Variants in SPATA16 observed in about 807,000 individuals in gnomAD.
SPATA16 encodes spermatogenesis associated 16.
Under a neutral mutation model 63.3 loss-of-function variants are expected in SPATA16, and 36 were observed. That is an observed-to-expected ratio of 0.57 (90% CI 0.44 to 0.75). SPATA16 has a LOEUF of 0.75. Among genes scored for constraint, SPATA16 ranks in the 30% least tolerant of loss-of-function variants. The pLI is 0.00. For synonymous variants in SPATA16, 203 were observed against 216.7 expected (o/e 0.94, Z 0.56); for missense variants, 646 against 679.3 (o/e 0.95, Z 0.54).
chr3:173,005,281 G>A lies in SPATA16; in HGVS notation c.848+14205C>T, dbSNP rs562676710. On this transcript the variant is annotated intron_variant, in intron 4 of 10. Transcript: ENST00000351008. ...GAAGGTTGCAGTGAGCTGAGATTGC[G>A]CTACTGCACTCCAGCCTGGTGACAG... Among the ~76,000 whole-genome samples the A allele has an allele frequency of 8.3e-4, 121 of 145,222 alleles. 1 individual carries two copies. Among genetic ancestry groups the A allele is most frequent in the African/African-American group, 3.0e-3 (117 of 39,138 alleles).
intron 6 of SPATA16, among the ~76,000 whole-genome samples, chr3:172,930,418 T>C (rs759425629): frequency 7.2e-5 from 11 of 152,144 alleles, no homozygotes; most frequent in Non-Finnish European, 1.5e-4. Context: ...GATTTTCCAC[T>C]CAGAAACAAC....
At chr3:173,063,709 C>A (rs1214785141) in intron 2 of SPATA16, among the ~76,000 whole-genome samples, 2 of 152,034 alleles carry the variant, frequency 1.3e-5, no homozygotes, top group Non-Finnish European at 2.9e-5. Context: ...ATTTATATTT[C>A]CATTAATTAA....
chr3:173,129,499 A>G (rs1738313213), intron 1 of SPATA16, among the ~76,000 whole-genome samples: 1 of 152,106 alleles, frequency 6.6e-6, no homozygotes, highest in Non-Finnish European at 1.5e-5. Flanking sequence ...TCTGAAGAGG[A>G]CAGCTATTAT....
At chr3:173,031,159 C>T (rs1735595479) in intron 3 of SPATA16, among the ~76,000 whole-genome samples, 1 of 151,758 alleles carries the variant, frequency 6.6e-6, no homozygotes. Flanking sequence ...ATTGCCTGCA[C>T]AACGTGAAAG....
intron 2 of SPATA16, among the ~76,000 whole-genome samples, chr3:173,071,114 A>T (rs2108307232): frequency 6.6e-6 from 1 of 152,342 alleles, no homozygotes; most frequent in East Asian, 1.9e-4. Flanking sequence ...AAAAGCAGAC[A>T]TATAGACCAA....
intron 6 of SPATA16, 73 bp downstream of exon 6, chr3:172,956,604 A>G: frequency 6.6e-7 from 1 of 1,524,604 alleles, no homozygotes; most frequent in African/African-American, 1.4e-5. Context: ...AAACTAATAA[A>G]CCAGAAAGAA....
At chr3:172,933,689 C>G (rs1324881388) in intron 6 of SPATA16, among the ~76,000 whole-genome samples, 2 of 152,204 alleles carry the variant, frequency 1.3e-5, no homozygotes, top group South Asian at 4.1e-4. Flanking sequence ...GCAGTCCCAC[C>G]TGTGGATCTT....
intron 5 of SPATA16, among the ~76,000 whole-genome samples, chr3:172,962,435 G>T (rs1041061755): frequency 1.3e-5 from 2 of 151,894 alleles, no homozygotes; most frequent in Middle Eastern, 3.2e-3. Flanking sequence ...GAAATTTGGG[G>T]TTGTTTGTTA....
Position 172,915,369 on chromosome 3 carries a change from T to C in SPATA16, c.1503+948A>G, listed in dbSNP as rs186967338. ...GAACATTATAAATGTTGGCAGCTCA[T>C]TTCTTGAGTAAATCTTAAAAAGCTC... On this transcript the variant is annotated intron_variant, in intron 9 of 10. Transcript: ENST00000351008. 1.3e-4 allele frequency among the ~76,000 whole-genome samples: 20 copies of C among 152,304 alleles called. No individual in the cohort carries two copies. The East Asian group carries it at 3.7e-3, about 28-fold the overall frequency.
intron 1 of SPATA16, 73 bp from the exon 2 acceptor site, chr3:173,117,822 T>A: frequency 6.2e-7 from 1 of 1,604,704 alleles, no homozygotes; most frequent in Non-Finnish European, 8.5e-7. Flanking sequence ...ATAGTCAAAT[T>A]CATTTTAAAC....
intron 1 of SPATA16, among the ~76,000 whole-genome samples, chr3:173,125,689 A>G (rs1738207982): frequency 6.6e-6 from 1 of 152,182 alleles, no homozygotes; most frequent in Non-Finnish European, 1.5e-5. Context: ...AATCAGCCCT[A>G]CCAAGTTGTG....
intron 2 of SPATA16, among the ~76,000 whole-genome samples, chr3:173,110,081 T>G (rs1737712374): frequency 6.6e-6 from 1 of 152,218 alleles, no homozygotes; most frequent in South Asian, 2.1e-4. Context: ...TCCTGTATGT[T>G]TGCTAGCATT....
chr3:173,014,190 C>G (rs1356895380), intron 4 of SPATA16, among the ~76,000 whole-genome samples: 3 of 152,102 alleles, frequency 2.0e-5, no homozygotes, highest in Non-Finnish European at 4.4e-5. Context: ...CCTTGGTGTC[C>G]AACACCAGTG....
chr3:173,054,951 T>TA (rs1016778734), intron 2 of SPATA16, among the ~76,000 whole-genome samples: 2 of 151,966 alleles, frequency 1.3e-5, no homozygotes, highest in East Asian at 1.9e-4. Flanking sequence ...AACTCAATGG[T>TA]AAAAAACCCC....
chr3:173,098,571 A>G (rs1737415311), intron 2 of SPATA16, among the ~76,000 whole-genome samples: 1 of 152,214 alleles, frequency 6.6e-6, no homozygotes, highest in South Asian at 2.1e-4. Flanking sequence ...ATGCAGCAAG[A>G]CAAGGTGATA....
intron 4 of SPATA16, among the ~76,000 whole-genome samples, chr3:172,984,627 C>T (rs1316328845): frequency 1.3e-5 from 2 of 152,124 alleles, no homozygotes; most frequent in African/African-American, 4.8e-5. Flanking sequence ...GAGTCTCTAC[C>T]TATTGCAGCC....
chr3:172,942,709 C>T (rs896567035), intron 6 of SPATA16, among the ~76,000 whole-genome samples: 1 of 152,022 alleles, frequency 6.6e-6, no homozygotes, highest in African/African-American at 2.4e-5. Context: ...CATTAAAAAA[C>T]CCTGCATTCC....
chr3:173,083,625 C>G (rs78193720), intron 2 of SPATA16, among the ~76,000 whole-genome samples: 17,810 of 152,030 alleles, frequency 0.12, 1,187 homozygotes, highest in East Asian at 0.25. Context: ...GCTATTTTTC[C>G]TGATACTCTC....
chr3:172,960,426 T>G (rs1176617184), intron 5 of SPATA16, among the ~76,000 whole-genome samples: 1 of 152,268 alleles, frequency 6.6e-6, no homozygotes, highest in Non-Finnish European at 1.5e-5. Context: ...GTGTTTACCT[T>G]TGGGAGTTCT....
Sources: allele counts gnomAD v4.1 joint callset (sites outside exome capture counted in the v4.1 genomes callset), GRCh38; gene constraint gnomAD v4.1.1; transcripts MANE v1.5; gene names NCBI Gene and HGNC (gene_info 2026-07-23, HGNC 2026-07-21).